BRINP1: variants seen among roughly 807,000 people sequenced by gnomAD.
The protein encoded by BRINP1 is BMP/retinoic acid inducible neural specific 1, also known as BMP/retinoic acid-inducible neural-specific protein 1.
Under a neutral mutation model 72.9 loss-of-function variants are expected in BRINP1, and 17 were observed. The observed-to-expected ratio is 0.23, with a 90% confidence interval of 0.16 to 0.35. BRINP1 has a LOEUF of 0.35. BRINP1 is among the 10% of genes least tolerant of loss of function. BRINP1 has a pLI of 1.00. For missense variants in BRINP1, 850 were observed against 1,001.6 expected (o/e 0.85, Z 2.04); for synonymous variants, 418 against 378.5 (o/e 1.10, Z -1.21).
intron 7 of BRINP1, among the ~76,000 whole-genome samples, chr9:119,196,262 G>A (rs1829736666): frequency 6.6e-6 from 1 of 152,082 alleles, no homozygotes; most frequent in Non-Finnish European, 1.5e-5. Context: ...AAAAACCCTG[G>A]ACACAAGGCC....
intron 7 of BRINP1, among the ~76,000 whole-genome samples, chr9:119,176,613 G>A (rs1403873401): frequency 6.6e-6 from 1 of 152,152 alleles, no homozygotes; most frequent in African/African-American, 2.4e-5. Flanking sequence ...GCCCATCTTA[G>A]GCAGCTGGTG....
At chr9:119,259,856 T>C (rs978799698) in intron 2 of BRINP1, among the ~76,000 whole-genome samples, 1 of 152,204 alleles carries the variant, frequency 6.6e-6, no homozygotes, top group Non-Finnish European at 1.5e-5. Context: ...CTCTGCTTAA[T>C]TCCCTCTGCC....
At chr9:119,258,788 C>G (rs937337177) in intron 2 of BRINP1, among the ~76,000 whole-genome samples, 6 of 152,136 alleles carry the variant, frequency 3.9e-5, no homozygotes, top group African/African-American at 1.4e-4. Flanking sequence ...ATCTCTGTCA[C>G]CCCACACATT....
At chr9:119,319,935 G>A (rs913388115) in intron 1 of BRINP1, among the ~76,000 whole-genome samples, 3 of 152,178 alleles carry the variant, frequency 2.0e-5, no homozygotes, top group Admixed American at 6.5e-5. Context: ...ACACCCAAGT[G>A]TGAACAATTC....
At chr9:119,180,405 G>GACAA (rs1272791092) in intron 7 of BRINP1, among the ~76,000 whole-genome samples, 2 of 152,218 alleles carry the variant, frequency 1.3e-5, no homozygotes, top group Non-Finnish European at 2.9e-5. Flanking sequence ...AAACTGAGAA[G>GACAA]ACAAACAGTT....
intron 1 of BRINP1, among the ~76,000 whole-genome samples, chr9:119,348,612 T>C (rs1020048829): frequency 1.3e-5 from 2 of 152,184 alleles, no homozygotes; most frequent in Non-Finnish European, 2.9e-5. Context: ...TTGGTCACTG[T>C]TCTCGATTTG....
rs143156133 is a variant in BRINP1, at chr9:119,303,520, G to A, written c.218+9618C>T. Among the ~76,000 whole-genome samples, 188 of 152,308 alleles carry A rather than the reference G, an allele frequency of 1.2e-3. 1 individual carries two copies. The highest frequency in any genetic ancestry group is 4.3e-3 in the African/African-American group (179 of 41,550). On this transcript the variant is annotated intron_variant, in intron 2 of 7. Transcript: ENST00000265922. ...TAAATTAGACTCTCGCGAATCGTGGGACGTGCAAGTGCACTGTGTACATGA... is the reference window on the plus strand; with the variant it reads ...TAAATTAGACTCTCGCGAATCGTGGAACGTGCAAGTGCACTGTGTACATGA...
At chr9:119,342,539 T>G (rs1831415722) in intron 1 of BRINP1, among the ~76,000 whole-genome samples, 1 of 152,226 alleles carries the variant, frequency 6.6e-6, no homozygotes, top group African/African-American at 2.4e-5. Context: ...AACAATTACC[T>G]TCTGACTATT....
chr9:119,169,951 A>AAAGG (rs1295793471), intron 7 of BRINP1, among the ~76,000 whole-genome samples: 1 of 152,196 alleles, frequency 6.6e-6, no homozygotes. Context: ...TAACAAACAG[A>AAAGG]AAGGACATCC....
chr9:119,362,332 C>A (rs565769723), intron 1 of BRINP1, among the ~76,000 whole-genome samples: 1 of 152,276 alleles, frequency 6.6e-6, no homozygotes, highest in Non-Finnish European at 1.5e-5. Context: ...GAAAAAGATA[C>A]TGCCTGTGAT....
chr9:119,318,145 C>T (rs146508256), intron 1 of BRINP1, among the ~76,000 whole-genome samples: 1 of 152,150 alleles, frequency 6.6e-6, no homozygotes. Flanking sequence ...TAGCTACTCT[C>T]GCTCAGCTGC....
chr9:119,227,829 T>A (rs1564222694), intron 5 of BRINP1, among the ~76,000 whole-genome samples: 1 of 151,984 alleles, frequency 6.6e-6, no homozygotes, highest in Non-Finnish European at 1.5e-5. Flanking sequence ...TGTCTTTTCA[T>A]CCTCTTTGAG....
intron 7 of BRINP1, among the ~76,000 whole-genome samples, chr9:119,170,359 T>C (rs1794723025): frequency 6.6e-6 from 1 of 151,236 alleles, no homozygotes; most frequent in South Asian, 2.1e-4. Context: ...GCCGATGCGA[T>C]CAACTGGAAG....
At chr9:119,213,229 C>A (rs1054751564) in intron 6 of BRINP1, among the ~76,000 whole-genome samples, 2 of 152,274 alleles carry the variant, frequency 1.3e-5, no homozygotes, top group Admixed American at 6.5e-5. Context: ...ACAGACGTAT[C>A]CTTGACATTT....
chr9:119,167,629 C>T lies in BRINP1; in HGVS notation c.1741G>A (p.Glu581Lys), dbSNP rs866830541. ...TTCTCCCAGCGTGGGTAGCCAAATT[C>T]CCCGAAGGGCATGTTCCAGCCCTCC... The part of the protein sequence containing the change: ...HSEGWNMPFG[E>K]FGYPRWEKIR... The change falls in exon 8 of 8, where the codon GAA becomes AAA. Residue 581 changes from glutamate (E) to lysine (K), a missense_variant. Physicochemically the swap from Glu to Lys is moderately conservative, Grantham distance 56. Transcript: ENST00000265922. This position sits in a 1 kb window ranked among gnomAD's most constrained non-coding sequence, Gnocchi z 4.3. 3 of 1,614,116 alleles carry T rather than the reference C, an allele frequency of 1.9e-6. No individual in the cohort carries two copies. Among genetic ancestry groups the T allele is most frequent in the East Asian group, 2.2e-5 (1 of 44,860 alleles).
At chr9:119,221,373 C>T (rs1338428294) in intron 5 of BRINP1, among the ~76,000 whole-genome samples, 1 of 152,138 alleles carries the variant, frequency 6.6e-6, no homozygotes, top group African/African-American at 2.4e-5. Context: ...CTCCAACAGC[C>T]ATGCTGAACT....
chr9:119,204,414 G>C (rs530333672), intron 7 of BRINP1, among the ~76,000 whole-genome samples: 1 of 152,180 alleles, frequency 6.6e-6, no homozygotes, highest in Admixed American at 6.5e-5. Flanking sequence ...AGCTATAATT[G>C]ACCTCTCACT....
intron 1 of BRINP1, among the ~76,000 whole-genome samples, chr9:119,314,165 T>A (rs928917643): frequency 1.3e-5 from 2 of 152,118 alleles, no homozygotes; most frequent in Non-Finnish European, 1.5e-5. Context: ...TGCCCAGGGT[T>A]CAAAAGGAAA....
At chr9:119,236,829 A>G (rs1014214964) in intron 5 of BRINP1, among the ~76,000 whole-genome samples, 7 of 151,290 alleles carry the variant, frequency 4.6e-5, no homozygotes, top group African/African-American at 1.7e-4. Context: ...TTTTCTGTCT[A>G]CTCTTTTTTC....
Sources: allele counts gnomAD v4.1 joint callset (sites outside exome capture counted in the v4.1 genomes callset), GRCh38; gene constraint gnomAD v4.1.1; non-coding constraint Gnocchi (gnomAD v3.1); transcripts MANE v1.5; gene names NCBI Gene and HGNC (gene_info 2026-07-23, HGNC 2026-07-21).